PPP2R2C: variants seen among roughly 807,000 people sequenced by gnomAD.
PPP2R2C encodes protein phosphatase 2 regulatory subunit Bgamma.
Under a neutral mutation model 45.3 loss-of-function variants are expected in PPP2R2C, and 10 were observed. That is an observed-to-expected ratio of 0.22 (90% confidence interval 0.14 to 0.37). The LOEUF is 0.37. Among genes scored for constraint, PPP2R2C ranks in the 10% least tolerant of loss-of-function variants. The pLI is 1.00. For missense variants in PPP2R2C, 308 were observed against 619.7 expected, an observed-to-expected ratio of 0.50 and a Z score of 5.34; for synonymous variants, 257 against 245.4, an observed-to-expected ratio of 1.05 and a Z score of -0.44.
At chr4:6,492,044 G>A (rs954774762) in intron 2 of PPP2R2C, among the ~76,000 whole-genome samples, 5 of 152,312 alleles carry the variant, frequency 3.3e-5, no homozygotes, top group Admixed American at 1.3e-4. Flanking sequence ...GGGACAATAA[G>A]GAGGCTTAAT....
intron 1 of PPP2R2C, among the ~76,000 whole-genome samples, chr4:6,391,082 T>C (rs769444858): frequency 3.9e-5 from 6 of 152,062 alleles, no homozygotes; most frequent in Non-Finnish European, 7.4e-5. Context: ...GGGAGTATTT[T>C]TGGGGGGTGT....
chr4:6,365,208 C>A (rs1309207240), intron 5 of PPP2R2C, among the ~76,000 whole-genome samples: 1 of 152,176 alleles, frequency 6.6e-6, no homozygotes, highest in Non-Finnish European at 1.5e-5. Flanking sequence ...CTGAATCAAC[C>A]AATGAATGCA....
intron 1 of PPP2R2C, among the ~76,000 whole-genome samples, chr4:6,448,691 C>T (rs977143911): frequency 1.3e-5 from 2 of 152,150 alleles, no homozygotes; most frequent in Non-Finnish European, 2.9e-5. Flanking sequence ...GGTGAGGCCT[C>T]AGAAGCCCAG....
At chr4:6,545,090 C>G (rs897409420) in intron 1 of PPP2R2C, among the ~76,000 whole-genome samples, 1 of 152,160 alleles carries the variant, frequency 6.6e-6, no homozygotes, top group African/African-American at 2.4e-5. Context: ...CTGGGGCTCT[C>G]CCGGGCTCAC....
chr4:6,415,134 G>A (rs11725341), intron 1 of PPP2R2C, among the ~76,000 whole-genome samples: 37,657 of 152,152 alleles, frequency 0.25, 5,021 homozygotes, highest in Admixed American at 0.37. Context: ...CGCCTCGTCC[G>A]CATGCTGGAG....
chr4:6,452,306 C>T (rs1179916524), intron 1 of PPP2R2C, among the ~76,000 whole-genome samples: 1 of 152,184 alleles, frequency 6.6e-6, no homozygotes, highest in Non-Finnish European at 1.5e-5. Context: ...GTCTAACCCT[C>T]AGGACACAGC....
intron 2 of PPP2R2C, among the ~76,000 whole-genome samples, chr4:6,379,851 A>T (rs1484530172): frequency 6.6e-6 from 1 of 152,168 alleles, no homozygotes; most frequent in Non-Finnish European, 1.5e-5. Context: ...TGAGCCACCA[A>T]GATAAAGTCA....
At position 6,487,905 on chromosome 4, in the gene PPP2R2C, T is replaced by A. The variant is rs148161341; in HGVS notation, c.49+47366A>T. On this transcript the variant is annotated intron_variant, in intron 2 of 9. Coordinates refer to the PPP2R2C transcript ENST00000506140. ...GAAAGTCTCTGTTTCTTTTTAAAATTTTTGTTCTTTTTTTATCTTTTTACT... is the reference window on the plus strand; with the variant it reads ...GAAAGTCTCTGTTTCTTTTTAAAATATTTGTTCTTTTTTTATCTTTTTACT... Among the ~76,000 whole-genome samples the A allele has an allele frequency of 9.6e-3, 1,462 of 152,332 alleles. 10 individuals are homozygous for A. Among genetic ancestry groups the A allele is most frequent in the South Asian group, 0.021 (102 of 4,832 alleles).
In PPP2R2C at chr4:6,538,923, G is replaced by A. The variant is rs113085732; in HGVS notation, c.-58-3546C>T. On this transcript the variant is annotated intron_variant, in intron 1 of 9. Transcript: ENST00000506140. ...CAGGTGCTCCACAAATATCGAGCCC[G>A]TTACACAGTGAGTGATTTATTATAC... Among the ~76,000 whole-genome samples the A allele has an allele frequency of 8.7e-3, 1,330 of 152,258 alleles. 20 individuals carry two copies. Among genetic ancestry groups the A allele is most frequent in the African/African-American group, 0.03 (1,250 of 41,532 alleles).
chr4:6,326,490 G>T (rs1367128670), intron 8 of PPP2R2C, among the ~76,000 whole-genome samples: 1 of 152,188 alleles, frequency 6.6e-6, no homozygotes, highest in Non-Finnish European at 1.5e-5. Flanking sequence ...GTTGAAGCCT[G>T]TTGTGGGAGG....
intron 1 of PPP2R2C, among the ~76,000 whole-genome samples, chr4:6,436,644 A>G (rs11733876): frequency 0.26 from 39,925 of 152,152 alleles, 5,888 homozygotes; most frequent in Admixed American, 0.42. Context: ...CATATGAGTC[A>G]TTGACATGAA....
At chr4:6,455,702 C>T (rs1200489639) in intron 1 of PPP2R2C, among the ~76,000 whole-genome samples, 1 of 152,188 alleles carries the variant, frequency 6.6e-6, no homozygotes, top group Non-Finnish European at 1.5e-5. Flanking sequence ...TTCCCTCTCC[C>T]TCCCCTGCCT....
intron 1 of PPP2R2C, among the ~76,000 whole-genome samples, chr4:6,424,576 C>T (rs998729133): frequency 6.0e-4 from 92 of 152,326 alleles, no homozygotes; most frequent in African/African-American, 1.3e-3. Flanking sequence ...AGCCAGACCT[C>T]GCCAGGCAGT....
rs112182178 is a variant in PPP2R2C at position 6,542,709 on chromosome 4, A to AAAAAAAAG, written c.-58-7333_-58-7332insCTTTTTTT. On this transcript the variant is annotated intron_variant, in intron 1 of 9. Transcript: ENST00000506140. ...CAGAGCAAGACTCTGTCTCAAAAAA[A>AAAAAAAAG]AAAAAGAAAAAGAAAAAAAGATCAT... 5.2e-4 allele frequency among the ~76,000 whole-genome samples: 67 copies of AAAAAAAAG among 127,824 alleles called. 4 individuals carry two copies. Among genetic ancestry groups the AAAAAAAAG allele is most frequent in the African/African-American group, 1.5e-3 (52 of 35,158 alleles). 83.9% of individuals were successfully genotyped at this position (127,824 alleles called of 152,430 possible).
rs571747170 is a variant in PPP2R2C at position 6,385,823 on chromosome 4, T to TC, written c.71-4730dup. On this transcript the variant is annotated intron_variant, in intron 1 of 8. Coordinates refer to ENST00000382599, the MANE Select transcript of PPP2R2C (RefSeq NM_020416.4). ...CTCAAGTGATCTGCCCACCTCGACC[T>TC]CCCAAAGTGCTGGGATTACAGGTGT... Among the ~76,000 whole-genome samples the TC allele has an allele frequency of 1.2e-3, 178 of 152,252 alleles. 1 individual carries two copies. The highest frequency in any genetic ancestry group is 4.1e-3 in the African/African-American group (172 of 41,536).
intron 1 of PPP2R2C, among the ~76,000 whole-genome samples, chr4:6,402,089 TAAG>T (rs1577149882): frequency 6.6e-6 from 1 of 152,204 alleles, no homozygotes; most frequent in African/African-American, 2.4e-5. Context: ...TCAGTGAGGA[TAAG>T]AAGAATACTG....
At chr4:6,403,128 T>G (rs1717538767) in intron 1 of PPP2R2C, among the ~76,000 whole-genome samples, 1 of 152,250 alleles carries the variant, frequency 6.6e-6, no homozygotes, top group African/African-American at 2.4e-5. Context: ...ATTATGCACA[T>G]GGCAGGACAG....
intron 1 of PPP2R2C, among the ~76,000 whole-genome samples, chr4:6,454,967 C>T (rs1028884924): frequency 2.0e-5 from 3 of 152,166 alleles, no homozygotes; most frequent in African/African-American, 7.2e-5. Context: ...ATAGGTGGTG[C>T]ACCACACGGC....
At chr4:6,384,630 A>G (rs895071841) in intron 1 of PPP2R2C, 58 of 985,346 alleles carry the variant, frequency 5.9e-5, no homozygotes, top group South Asian at 5.6e-4. Context: ...TAAAATGCCA[A>G]TATAACTATT....
Sources: gnomAD v4.1 joint callset for allele counts (sites outside exome capture counted in the v4.1 genomes callset) on GRCh38, gnomAD v4.1.1 for gene constraint, MANE v1.5 for transcripts, NCBI Gene and HGNC (gene_info 2026-07-23, HGNC 2026-07-21) for gene names.